TAS1R2: variants seen among roughly 807,000 people sequenced by gnomAD.
TAS1R2 encodes the protein taste receptor type 1 member 2.
Under a neutral mutation model 49.3 loss-of-function variants are expected in TAS1R2, and 47 were observed. That is an observed-to-expected ratio of 0.95 (90% CI 0.75 to 1.22). TAS1R2 has a LOEUF of 1.22. TAS1R2 is among the 50% of genes most tolerant of loss of function. The pLI is 0.00. For synonymous variants in TAS1R2, 479 were observed against 467.9 expected (o/e 1.02, Z -0.31); for missense variants, 1,155 against 1,122.1 (o/e 1.03, Z -0.42).
intron 4 of TAS1R2, 127 bp from the exon 5 acceptor site, chr1:18,841,979 CT>C: frequency 1.8e-6 from 1 of 570,894 alleles, no homozygotes; most frequent in Non-Finnish European, 2.5e-6. Flanking sequence ...GGGGTGGAAA[CT>C]GTAGAAAAAA....
intron 2 of TAS1R2, among the ~76,000 whole-genome samples, chr1:18,857,033 A>G (rs555075869): frequency 6.6e-6 from 1 of 152,368 alleles, no homozygotes; most frequent in Middle Eastern, 3.4e-3. Flanking sequence ...TGGAACGCTT[A>G]TCATCCCACT....
intron 4 of TAS1R2, among the ~76,000 whole-genome samples, chr1:18,848,614 C>T (rs982483434): frequency 3.9e-5 from 6 of 152,174 alleles, no homozygotes; most frequent in Non-Finnish European, 8.8e-5. Context: ...AGAGCTTCAT[C>T]TGTATTTACA....
At chr1:18,853,011 A>G (rs1239360646) in intron 3 of TAS1R2, among the ~76,000 whole-genome samples, 1 of 152,238 alleles carries the variant, frequency 6.6e-6, no homozygotes, top group Non-Finnish European at 1.5e-5. Context: ...GGGAGAAGGA[A>G]AAAGTCAACT....
intron 5 of TAS1R2, 107 bp from the exon 6 acceptor site, chr1:18,840,634 GGGC>G: frequency 1.7e-6 from 2 of 1,201,406 alleles, no homozygotes; most frequent in Admixed American, 4.0e-5. Flanking sequence ...AGAGCACCAA[GGGC>G]AACCCTTGCA....
Position 18,859,424 on chromosome 1 carries a change from C to T in TAS1R2, c.182+55G>A, listed in dbSNP as rs998836304. 4 of 1,604,374 alleles carry T rather than the reference C, an allele frequency of 2.5e-6. No homozygotes were observed. The African/African-American group carries it at 4.0e-5, about 16-fold the overall frequency. ...GCTCCCAAGGACCCACAGGACCAGG[C>T]CTGGCCTCCCACCCCATCCCCACTG... On this transcript the variant is annotated intron_variant, in intron 1 of 5. Transcript: ENST00000375371.
intron 4 of TAS1R2, among the ~76,000 whole-genome samples, chr1:18,844,213 T>C (rs921419478): frequency 2.0e-5 from 3 of 152,200 alleles, no homozygotes; most frequent in African/African-American, 7.2e-5. Flanking sequence ...CTTGGTTGTT[T>C]GCTTTGTGTG....
In TAS1R2 at chr1:18,854,494, T is replaced by G; in HGVS notation, c.976A>C (p.Thr326Pro). 6.2e-7 allele frequency: 1 copy of G among 1,613,984 alleles called. No individual in the cohort carries two copies. The highest frequency in any genetic ancestry group is 8.5e-7 in the Non-Finnish European group (1 of 1,179,974). Residue 326 changes from threonine (T) to proline (P), a missense_variant, in exon 3 of 6, where the codon ACC (threonine) becomes CCC (proline). Coordinates refer to ENST00000375371, the Ensembl canonical transcript of TAS1R2. The surrounding 1 kb of genome is among the most constrained non-coding windows in gnomAD (Gnocchi z 4.9). ...CCCGGGATGGGCACGCTCTGGATGG[T>G]GATGCCCAGGAAGGTGCCCAAGTGG...
At chr1:18,852,898 C>T (rs1200220757) in intron 3 of TAS1R2, among the ~76,000 whole-genome samples, 5 of 152,248 alleles carry the variant, frequency 3.3e-5, no homozygotes, top group Non-Finnish European at 4.4e-5. Context: ...TCCTCATCTC[C>T]TCCTAGGTTG....
exon 6 of TAS1R2, chr1:18,839,907 G>A: frequency 6.2e-7 from 1 of 1,614,270 alleles, no homozygotes; most frequent in Non-Finnish European, 8.5e-7. Context: ...ACCACTGAGA[G>A]CAGCAGGTCC....
intron 4 of TAS1R2, among the ~76,000 whole-genome samples, chr1:18,844,405 T>A (rs2100509502): frequency 6.6e-6 from 1 of 152,324 alleles, no homozygotes; most frequent in South Asian, 2.1e-4. Flanking sequence ...CTGTGTCTCA[T>A]GTTAATGCAA....
chr1:18,849,240 C>G (rs546121785), intron 4 of TAS1R2, 101 bp downstream of exon 4: 240 of 1,227,080 alleles, frequency 2.0e-4, no homozygotes, highest in Non-Finnish European at 2.7e-4. Flanking sequence ...ATTGATAAAG[C>G]ATCTCCAGGC....
chr1:18,839,735 ACC>A lies in TAS1R2; in HGVS notation c.2382_2383del (p.Leu794PhefsTer?). ...GATGGCCAGGAGGTTGAGCACAGTG[ACC>A]AAGAGGTCCACGATGGTGACCAGCA... On this transcript the variant is annotated frameshift_variant, in exon 6 of 6. Transcript: ENST00000375371. LOFTEE classifies it high-confidence loss of function. 1.2e-6 allele frequency: 2 copies of A among 1,614,228 alleles called. No homozygotes were observed. The highest frequency in any genetic ancestry group is 1.6e-4 in the Middle Eastern group (1 of 6,062).
chr1:18,846,731 A>G (rs1312810238), intron 4 of TAS1R2, among the ~76,000 whole-genome samples: 2 of 151,712 alleles, frequency 1.3e-5, no homozygotes, highest in African/African-American at 4.9e-5. Context: ...TTGGAGACAG[A>G]CACATGGAGA....
rs775440208 is a variant in TAS1R2 at position 18,854,481 on chromosome 1, A to G, written c.989T>C (p.Val330Ala). 102 of 1,614,024 alleles carry G rather than the reference A, an allele frequency of 6.3e-5. No individual in the cohort carries two copies. The highest frequency in any genetic ancestry group is 3.2e-5 in the Non-Finnish European group (38 of 1,180,014). ...GAACTCACTGAAGCCCGGGATGGGC[A>G]CGCTCTGGATGGTGATGCCCAGGAA... is the stretch of plus-strand genomic sequence containing the variant. Residue 330 changes from valine to alanine, a missense_variant, in exon 3 of 6, where the codon GTG (valine) becomes GCG (alanine). By Grantham distance (64) the Val-to-Ala change is moderately conservative (BLOSUM62 0). Transcript: ENST00000375371. The surrounding 1 kb of genome is among the most constrained non-coding windows in gnomAD (Gnocchi z 4.9).
intron 4 of TAS1R2, among the ~76,000 whole-genome samples, chr1:18,846,623 C>G (rs1265462378): frequency 6.6e-6 from 1 of 152,224 alleles, no homozygotes; most frequent in Non-Finnish European, 1.5e-5. Context: ...AGGGTCACTG[C>G]AGTCAACATA....
At chr1:18,839,973 T>C (rs762869159) in exon 6 of TAS1R2, 7 of 1,614,104 alleles carry the variant, frequency 4.3e-6, no homozygotes, top group South Asian at 1.1e-5. Context: ...GAGACAATTG[T>C]GATCTTGGGG....
Position 18,843,339 on chromosome 1 carries a change from G to A in TAS1R2, c.1468-1487C>T, listed in dbSNP as rs533469112. On this transcript the variant is annotated intron_variant, in intron 4 of 5. Coordinates refer to ENST00000375371, the Ensembl canonical transcript of TAS1R2. ...AAAGATTCAAAACTTGGGGTTGGGG[G>A]TGCTGTTACATTGGTGATGTTTTTA... is the stretch of plus-strand genomic sequence containing the variant. 1.1e-4 allele frequency among the ~76,000 whole-genome samples: 16 copies of A among 152,316 alleles called. No homozygotes were observed. The East Asian group carries it at 1.5e-3, about 15-fold the overall frequency.
In TAS1R2 at chr1:18,848,633, C is replaced by T. The variant is rs140599161; in HGVS notation, c.1467+708G>A. ...CTTCATCTGTATTTACAACTGCTCC[C>T]CATCACTTGATTACCACCTGAGCTC... is the stretch of plus-strand genomic sequence containing the variant. On this transcript the variant is annotated intron_variant, in intron 4 of 5. Transcript: ENST00000375371. 2.6e-3 allele frequency among the ~76,000 whole-genome samples: 400 copies of T among 152,244 alleles called. 2 individuals carry two copies. Among genetic ancestry groups the T allele is most frequent in the African/African-American group, 9.1e-3 (379 of 41,540 alleles).
At chr1:18,842,743 T>C (rs1933850953) in intron 4 of TAS1R2, among the ~76,000 whole-genome samples, 1 of 152,144 alleles carries the variant, frequency 6.6e-6, no homozygotes, top group South Asian at 2.1e-4. Context: ...TCTTAGGTAG[T>C]CAAACTCATA....
Sources: gnomAD v4.1 joint callset for allele counts (sites outside exome capture counted in the v4.1 genomes callset) on GRCh38, gnomAD v4.1.1 for gene constraint, Gnocchi (gnomAD v3.1) non-coding constraint, MANE v1.5 for transcripts, NCBI Gene and HGNC (gene_info 2026-07-23, HGNC 2026-07-21) for gene names.